MANEA: variants seen among roughly 807,000 people sequenced by gnomAD.
The protein encoded by MANEA is mannosidase endo-alpha.
In MANEA, 25 loss-of-function variants were observed where a neutral mutation model predicts 36.8. That is an observed-to-expected ratio of 0.68 (90% confidence interval 0.50 to 0.95). The LOEUF (loss-of-function observed/expected upper bound fraction) is 0.95. Ranked by LOEUF, MANEA falls within the 40% of genes least tolerant of loss-of-function variation. The pLI is 0.00. For synonymous variants in MANEA, 198 were observed against 188.5 expected (o/e 1.05, Z -0.41); for missense variants, 565 against 558.8 (o/e 1.01, Z -0.11).
At chr6:95,598,720 A>ATT (rs1769532103) in intron 3 of MANEA, among the ~76,000 whole-genome samples, 1 of 152,188 alleles carries the variant, frequency 6.6e-6, no homozygotes, top group Non-Finnish European at 1.5e-5. Context: ...ATCTTGAAGA[A>ATT]TGGCAACCAC....
At chr6:95,597,756 A>G (rs1404449500) in intron 3 of MANEA, among the ~76,000 whole-genome samples, 2 of 152,112 alleles carry the variant, frequency 1.3e-5, no homozygotes, top group African/African-American at 2.4e-5. Flanking sequence ...GACCTAAATA[A>G]TAAGACATAG....
At chr6:95,590,055 G>A (rs1384727426) in intron 2 of MANEA, 4 of 152,156 alleles carry the variant, frequency 2.6e-5, no homozygotes, top group Admixed American at 2.6e-4. Context: ...AGCTTGAATG[G>A]CAAGGAAAGG....
chr6:95,598,870 AT>A (rs1769534680), intron 3 of MANEA, among the ~76,000 whole-genome samples: 1 of 152,188 alleles, frequency 6.6e-6, no homozygotes, highest in South Asian at 2.1e-4. Flanking sequence ...AGAAGTGTTT[AT>A]TAGCAAGGAT....
intron 1 of MANEA, among the ~76,000 whole-genome samples, chr6:95,584,497 G>A (rs1769243554): frequency 6.6e-6 from 1 of 152,168 alleles, no homozygotes; most frequent in Non-Finnish European, 1.5e-5. Context: ...TGGTGAATTT[G>A]AGGTCAGACT....
chr6:95,578,516 G>A (rs1257007002), intron 1 of MANEA, among the ~76,000 whole-genome samples: 1 of 152,142 alleles, frequency 6.6e-6, no homozygotes. Flanking sequence ...CTAGATATTG[G>A]TGATACTGTA....
In MANEA at chr6:95,586,792, G is replaced by T; in HGVS notation, c.353G>T (p.Gly118Val). ...YSWYGNPQFD[G>V]KYIHWNHPVL... ...TGGTATGGAAATCCACAATTTGATG[G>T]TAAATATATACATTGGAATCATCCA... The change falls in exon 2 of 5, where the codon GGT (glycine) becomes GTT (valine). Residue 118 changes from glycine to valine, a missense_variant. Gly to Val is a moderately radical substitution (Grantham distance 109). Coordinates refer to ENST00000358812, the MANE Select transcript of MANEA (RefSeq NM_024641.4). 6.2e-7 allele frequency: 1 copy of T among 1,613,794 alleles called. No individual in the cohort carries two copies. The highest frequency in any genetic ancestry group is 8.5e-7 in the Non-Finnish European group (1 of 1,179,804).
Position 95,605,938 on chromosome 6 carries a change from CATAAGT to C in MANEA, c.925_930del (p.Lys309_Tyr310del). 1 of 1,613,916 alleles carries C rather than the reference CATAAGT, an allele frequency of 6.2e-7. No individual in the cohort carries two copies. The highest frequency in any genetic ancestry group is 8.5e-7 in the Non-Finnish European group (1 of 1,179,912). Reference sequence around the variant, plus strand: ...TATTGCCCTTCTGGTAGAAGAAAAACATAAGTATGATATTCTTCAAAGTGGTTTTGA... The same window carrying C: ...TATTGCCCTTCTGGTAGAAGAAAAACATGATATTCTTCAAAGTGGTTTTGA... On this transcript the variant is annotated inframe_deletion, in exon 5 of 5. Coordinates refer to ENST00000358812, the MANE Select transcript of MANEA (RefSeq NM_024641.4).
At chr6:95,581,132 CT>C (rs1769172105) in intron 1 of MANEA, among the ~76,000 whole-genome samples, 1 of 152,152 alleles carries the variant, frequency 6.6e-6, no homozygotes, top group Non-Finnish European at 1.5e-5. Context: ...GGTCAGATAA[CT>C]AAAAAATGGC....
chr6:95,596,026 C>T (rs949238809), intron 2 of MANEA, among the ~76,000 whole-genome samples: 10 of 152,064 alleles, frequency 6.6e-5, no homozygotes, highest in African/African-American at 2.4e-4. Flanking sequence ...AATGAGCTAT[C>T]AAGTTATGAA....
chr6:95,599,542 G>C (rs1769550322), intron 3 of MANEA, among the ~76,000 whole-genome samples: 2 of 152,144 alleles, frequency 1.3e-5, no homozygotes, highest in South Asian at 4.1e-4. Flanking sequence ...TTCTAATGGA[G>C]GACAATCTGG....
intron 3 of MANEA, among the ~76,000 whole-genome samples, chr6:95,602,073 T>G (rs1182343429): frequency 6.6e-6 from 1 of 152,174 alleles, no homozygotes; most frequent in Admixed American, 6.5e-5. Context: ...TAAATGAATA[T>G]TGTGAATTCA....
chr6:95,582,244 C>T (rs889310587), intron 1 of MANEA, among the ~76,000 whole-genome samples: 9 of 130,190 alleles, frequency 6.9e-5, no homozygotes, highest in South Asian at 2.4e-4. Flanking sequence ...AGTGCAGTGG[C>T]GCGATCTCTG....
rs759953929 is a variant in MANEA at position 95,586,670 on chromosome 6, A to G, written c.231A>G (p.Lys77=). 1 of 1,614,052 alleles carries G rather than the reference A, an allele frequency of 6.2e-7. No homozygotes were observed. ...INSETNTKNL[K]SVEITMKPSK... Reference sequence around the variant, plus strand: ...GTGAAACAAATACCAAGAATTTAAAAAGTGTTGAAATCACTATGAAACCTT... The same window carrying G: ...GTGAAACAAATACCAAGAATTTAAAGAGTGTTGAAATCACTATGAAACCTT... Residue 77 remains lysine, a synonymous_variant, in exon 2 of 5, where the codon AAA becomes AAG. Coordinates refer to ENST00000358812, the MANE Select transcript of MANEA (RefSeq NM_024641.4).
intron 2 of MANEA, among the ~76,000 whole-genome samples, chr6:95,594,611 C>T (rs1769451895): frequency 6.6e-6 from 1 of 152,076 alleles, no homozygotes; most frequent in African/African-American, 2.4e-5. Context: ...TCTTAATTAT[C>T]TTTGATTGTA....
chr6:95,589,122 C>T (rs1769338720), intron 2 of MANEA, among the ~76,000 whole-genome samples: 1 of 103,568 alleles, frequency 9.7e-6, no homozygotes, highest in South Asian at 4.2e-4. Flanking sequence ...GTGACATAAT[C>T]AATTTATAAA....
chr6:95,591,771 C>CA (rs1769389451), intron 2 of MANEA, among the ~76,000 whole-genome samples: 1 of 152,080 alleles, frequency 6.6e-6, no homozygotes, highest in African/African-American at 2.4e-5. Context: ...GATCTCAGCT[C>CA]ACTGTCACTG....
chr6:95,579,501 C>G (rs1053466805), intron 1 of MANEA, among the ~76,000 whole-genome samples: 1 of 152,052 alleles, frequency 6.6e-6, no homozygotes, highest in Non-Finnish European at 1.5e-5. Flanking sequence ...TTTGAAAGTT[C>G]CAGATGTGTC....
chr6:95,606,345 T>C lies in MANEA; in HGVS notation c.1329T>C (p.Ser443=). The change falls in exon 5 of 5, where the codon TCT becomes TCC. Residue 443 remains serine, a synonymous_variant. Coordinates refer to ENST00000358812, the MANE Select transcript of MANEA (RefSeq NM_024641.4). ...ACCTAGAACTGACTCGCAAGTGGTC[T>C]GAAAAATACAGTAAGGAAAGAGCAA... ...GLYLELTRKW[S]EKYSKERATY... is the part of the protein sequence containing the mutation. 6.2e-7 allele frequency: 1 copy of C among 1,607,768 alleles called. No individual in the cohort carries two copies. Among genetic ancestry groups the C allele is most frequent in the African/African-American group, 1.3e-5 (1 of 75,022 alleles).
rs1016981970 is a variant in MANEA, at chr6:95,596,710, C to A, written c.545-27C>A. The A allele has an allele frequency of 7.5e-6, 9 of 1,202,030 alleles. No homozygotes were observed. In the African/African-American group the frequency reaches 1.2e-4, roughly 16 times the overall value. 74.5% of individuals were successfully genotyped at this position (1,202,030 alleles called of 1,614,324 possible). On this transcript the variant is annotated intron_variant, in intron 2 of 4. Transcript: ENST00000358812. ...ATCTGCATTCATGTTCTTGTCTTTT[C>A]CCTTTCTTTTTGGTCTTTTCTATTA...
Sources: allele counts gnomAD v4.1 joint callset (sites outside exome capture counted in the v4.1 genomes callset), GRCh38; gene constraint gnomAD v4.1.1; transcripts MANE v1.5; gene names NCBI Gene and HGNC (gene_info 2026-07-23, HGNC 2026-07-21).